The following MRPS23 variants were observed in gnomAD, a reference collection of about 807,000 sequenced individuals.
MRPS23 encodes small ribosomal subunit protein mS23.
A neutral mutation model predicts 19.8 loss-of-function variants in MRPS23; 14 were observed. That is an observed-to-expected ratio of 0.71 (90% confidence interval 0.47 to 1.11). The LOEUF (loss-of-function observed/expected upper bound fraction) is 1.11. Ranked by LOEUF, MRPS23 falls within the 50% of genes least tolerant of loss-of-function variation. The pLI is 0.00. For synonymous variants in MRPS23, 113 were observed against 89.7 expected, an observed-to-expected ratio of 1.26 and a Z score of -1.47; for missense variants, 242 against 236.7, an observed-to-expected ratio of 1.02 and a Z score of -0.15.
At chr17:57,842,889 T>TACACACACACAC (rs1433791158) in intron 2 of MRPS23, among the ~76,000 whole-genome samples, 2 of 98,408 alleles carry the variant, frequency 2.0e-5, no homozygotes, top group African/African-American at 8.6e-5. Flanking sequence ...AATATATATA[T>TACACACACACAC]ATACACACAC....
chr17:57,849,591 C>G (rs1484963809), intron 1 of MRPS23, among the ~76,000 whole-genome samples, 181 bp from the exon 2 acceptor site: 1 of 152,188 alleles, frequency 6.6e-6, no homozygotes, highest in African/African-American at 2.4e-5. Context: ...TAACAACGCT[C>G]AGGAGAGTTA....
chr17:57,844,337 G>A (rs2073759050), intron 2 of MRPS23, among the ~76,000 whole-genome samples: 1 of 150,978 alleles, frequency 6.6e-6, no homozygotes, highest in African/African-American at 2.4e-5. Context: ...CAAAAAAAAA[G>A]AGGGCCACAA....
Position 57,843,624 on chromosome 17 carries a change from T to C in MRPS23, c.216-2364A>G, listed in dbSNP as rs1400777248. ...ATGGGATTAGTGCCCCTATAAGAGATAGAAGAGAGCTTGCTACCACTCTCT... is the reference window on the plus strand; with the variant it reads ...ATGGGATTAGTGCCCCTATAAGAGACAGAAGAGAGCTTGCTACCACTCTCT... On this transcript the variant is annotated intron_variant, in intron 2 of 4. Transcript: ENST00000313608. Among the ~76,000 whole-genome samples the C allele has an allele frequency of 2.6e-5, 4 of 152,116 alleles. No individual in the cohort carries two copies. In the South Asian group the frequency reaches 8.3e-4, roughly 31 times the overall value.
chr17:57,849,532 G>T, intron 1 of MRPS23, 122 bp from the exon 2 acceptor site: 1 of 1,162,000 alleles, frequency 8.6e-7, no homozygotes, highest in Non-Finnish European at 1.2e-6. Flanking sequence ...AACGGGGAAG[G>T]ACTGCTCCCC....
chr17:57,850,040 C>A lies in MRPS23; in HGVS notation c.-30G>T. ...TGCGCCTGGTACCGAGCGTGACTAG[C>A]TGCTACCGGAACCGGAAGCGGCTGC... On this transcript the variant is annotated 5_prime_UTR_variant, in exon 1 of 5. Transcript: ENST00000313608. The A allele has an allele frequency of 6.3e-7, 1 of 1,581,242 alleles. No individual in the cohort carries two copies.
chr17:57,840,477 T>C (rs1325596158), intron 4 of MRPS23, among the ~76,000 whole-genome samples: 1 of 151,998 alleles, frequency 6.6e-6, no homozygotes, highest in East Asian at 1.9e-4. Context: ...CACAAAATTC[T>C]AGTATATTCA....
intron 2 of MRPS23, among the ~76,000 whole-genome samples, chr17:57,846,096 G>C (rs114944150): frequency 1.0e-5 from 1 of 99,048 alleles, no homozygotes; most frequent in Non-Finnish European, 2.2e-5. Context: ...TTTTTTTTTT[G>C]TATGAAAAAA....
intron 4 of MRPS23, 62 bp downstream of exon 4, chr17:57,840,864 C>T (rs749169575): frequency 2.5e-6 from 4 of 1,591,612 alleles, no homozygotes; most frequent in African/African-American, 1.3e-5. Flanking sequence ...TAGCACCAAT[C>T]CCCTGTGCAT....
At chr17:57,843,883 T>C (rs1467791249) in intron 2 of MRPS23, among the ~76,000 whole-genome samples, 2 of 152,234 alleles carry the variant, frequency 1.3e-5, no homozygotes, top group African/African-American at 4.8e-5. Flanking sequence ...ATTGCAAAGA[T>C]CTTTCCCAGT....
intron 2 of MRPS23, among the ~76,000 whole-genome samples, chr17:57,846,898 C>T (rs1370792561): frequency 1.4e-5 from 2 of 140,780 alleles, no homozygotes; most frequent in East Asian, 4.0e-4. Context: ...GAGAAACACC[C>T]AAGAATGATC....
chr17:57,838,261 G>A lies in MRPS23; in HGVS notation c.*1522C>T, dbSNP rs1478718975. 1 of 100,110 alleles carries A rather than the reference G, an allele frequency of 1.0e-5. No homozygotes were observed. The highest frequency in any genetic ancestry group is 1.8e-5 in the Non-Finnish European group (1 of 55,428). The allele number at this position is 100,110 out of a possible 1,614,324, so 6.2% of individuals were successfully genotyped here. A position where few individuals can be genotyped will look rare whatever the true frequency, so the allele number is the denominator to read the frequency against. On this transcript the variant is annotated 3_prime_UTR_variant, in exon 5 of 5. Transcript: ENST00000313608. Reference sequence around the variant, plus strand: ...GCCAAGATGGCTCCACTGTACTCCAGCCTGGGAAACAAAGTGATACTCCAT... The same window carrying A: ...GCCAAGATGGCTCCACTGTACTCCAACCTGGGAAACAAAGTGATACTCCAT...
chr17:57,848,062 A>C (rs1254246879), intron 2 of MRPS23, among the ~76,000 whole-genome samples: 2 of 152,120 alleles, frequency 1.3e-5, no homozygotes, highest in African/African-American at 2.4e-5. Context: ...AACTCTCAGA[A>C]ACTGCTAATC....
intron 2 of MRPS23, among the ~76,000 whole-genome samples, chr17:57,842,715 C>G (rs2073746499): frequency 6.6e-6 from 1 of 151,932 alleles, no homozygotes; most frequent in Non-Finnish European, 1.5e-5. Flanking sequence ...CCTATCTCCC[C>G]ACACCCTGAC....
rs144748656 is a variant in MRPS23, at chr17:57,849,082, T to C, written c.215+158A>G. 6.3e-4 allele frequency: 530 copies of C among 845,670 alleles called. 1 individual carries two copies. Among genetic ancestry groups the C allele is most frequent in the Middle Eastern group, 1.0e-3 (3 of 2,910 alleles). 52.4% of individuals were successfully genotyped at this position (845,670 alleles called of 1,614,324 possible). Reference sequence around the variant, plus strand: ...CCACTTTTCAGAACTTCAGTTTCACTATGAGGAAGGGGTGCTGCCTCCCTA... The same window carrying C: ...CCACTTTTCAGAACTTCAGTTTCACCATGAGGAAGGGGTGCTGCCTCCCTA... On this transcript the variant is annotated intron_variant, in intron 2 of 4. Transcript: ENST00000313608.
intron 4 of MRPS23, 162 bp downstream of exon 4, chr17:57,840,764 T>A: frequency 1.4e-6 from 1 of 715,778 alleles, no homozygotes; most frequent in East Asian, 2.8e-5. Context: ...TTAAAGTATA[T>A]GGGAGGATAT....
At chr17:57,843,622 G>A (rs2073754266) in intron 2 of MRPS23, among the ~76,000 whole-genome samples, 1 of 152,176 alleles carries the variant, frequency 6.6e-6, no homozygotes, top group Admixed American at 6.6e-5. Flanking sequence ...CCCTATAAGA[G>A]ATAGAAGAGA....
chr17:57,849,725 C>G, intron 1 of MRPS23: 1 of 609,048 alleles, frequency 1.6e-6, no homozygotes, highest in Non-Finnish European at 2.8e-6. Flanking sequence ...TTCCTAGAGA[C>G]CTCCACTCGG....
At chr17:57,840,732 A>C in intron 4 of MRPS23, 194 bp downstream of exon 4, 1 of 504,168 alleles carries the variant, frequency 2.0e-6, no homozygotes. Context: ...TGTGTTATGT[A>C]TTATAAATGA....
intron 1 of MRPS23, 90 bp from the exon 2 acceptor site, chr17:57,849,500 T>C: frequency 6.8e-7 from 1 of 1,469,780 alleles, no homozygotes; most frequent in African/African-American, 1.4e-5. Context: ...ACATTAAAGG[T>C]ATTATGCGGT....
Sources: allele counts gnomAD v4.1 joint callset (sites outside exome capture counted in the v4.1 genomes callset), GRCh38; gene constraint gnomAD v4.1.1; transcripts MANE v1.5; gene names NCBI Gene and HGNC (gene_info 2026-07-23, HGNC 2026-07-21).